The following NSG2 variants were observed in gnomAD, a reference collection of about 807,000 sequenced individuals.
The protein encoded by NSG2 is neuronal vesicle trafficking associated 2.
NSG2 carries 4 observed loss-of-function variants against 16.9 expected under a neutral mutation model. The observed-to-expected ratio is 0.24, with a 90% CI of 0.12 to 0.54. The LOEUF (loss-of-function observed/expected upper bound fraction) is 0.54. NSG2 is among the 20% of genes least tolerant of loss of function. The pLI, the probability that NSG2 is intolerant of heterozygous loss-of-function variation, is 0.95. For synonymous variants in NSG2, 98 were observed against 88.7 expected (o/e 1.11, Z -0.59); for missense variants, 179 against 221.1 (o/e 0.81, Z 1.21).
chr5:174,046,474 TATAGGTTTAGG>T (rs1426401551), intron 1 of NSG2, among the ~76,000 whole-genome samples: 1 of 152,182 alleles, frequency 6.6e-6, no homozygotes, highest in East Asian at 1.9e-4. Flanking sequence ...TTTTTGTGTG[TATAGGTTTAGG>T]ATTTTCCTTG....
intron 3 of NSG2, among the ~76,000 whole-genome samples, chr5:174,098,684 T>C (rs893381018): frequency 2.6e-5 from 4 of 152,082 alleles, no homozygotes; most frequent in Non-Finnish European, 5.9e-5. Flanking sequence ...TCATTGAATG[T>C]CTCACTCTCT....
chr5:174,077,487 G>GA (rs1267149792), intron 3 of NSG2, among the ~76,000 whole-genome samples: 1 of 152,074 alleles, frequency 6.6e-6, no homozygotes, highest in Non-Finnish European at 1.5e-5. Flanking sequence ...ATTACCTGTC[G>GA]AATTCTCGAC....
Position 174,045,710 on chromosome 5 carries a change from G to A in NSG2, c.-156G>A, listed in dbSNP as rs919606055. 6.6e-6 allele frequency: 1 copy of A among 152,356 alleles called. No individual in the cohort carries two copies. The highest frequency in any genetic ancestry group is 2.4e-5 in the African/African-American group (1 of 41,448). 9.4% of individuals were successfully genotyped at this position (152,356 alleles called of 1,614,324 possible). ...TGCTCGCTCACGCCTGCTCTCAGAA[G>A]CTCCGATCCAGACACACGCGAGGCG... On this transcript the variant is annotated 5_prime_UTR_variant, in exon 1 of 5. Coordinates refer to ENST00000303177, the MANE Select transcript of NSG2 (RefSeq NM_015980.5).
chr5:174,104,146 C>A, intron 3 of NSG2, 82 bp from the exon 4 acceptor site: 1 of 949,690 alleles, frequency 1.1e-6, no homozygotes, highest in South Asian at 1.4e-5. Flanking sequence ...TGCTGCCTGC[C>A]AGTTCTAGGC....
intron 3 of NSG2, among the ~76,000 whole-genome samples, chr5:174,076,250 C>A (rs369299665): frequency 6.6e-6 from 1 of 152,162 alleles, no homozygotes; most frequent in Non-Finnish European, 1.5e-5. Flanking sequence ...AGACGGGACA[C>A]ATTCCCCTTA....
At chr5:174,055,188 T>C (rs937653637) in intron 2 of NSG2, among the ~76,000 whole-genome samples, 6 of 152,174 alleles carry the variant, frequency 3.9e-5, no homozygotes, top group Non-Finnish European at 8.8e-5. Flanking sequence ...TCCACTGTAA[T>C]GATTCCAGCC....
intron 2 of NSG2, among the ~76,000 whole-genome samples, chr5:174,053,329 A>AGGG (rs1759920802): frequency 6.6e-6 from 1 of 152,064 alleles, no homozygotes; most frequent in South Asian, 2.1e-4. Flanking sequence ...TGTCTCTTGA[A>AGGG]GATGATAGGT....
intron 1 of NSG2, chr5:174,046,230 T>C (rs896626171): frequency 1.3e-5 from 2 of 152,706 alleles, no homozygotes; most frequent in Admixed American, 6.5e-5. Flanking sequence ...AATCCACATA[T>C]GATGTAACAG....
intron 3 of NSG2, among the ~76,000 whole-genome samples, chr5:174,076,770 G>C (rs1760350161): frequency 6.6e-6 from 1 of 152,282 alleles, no homozygotes; most frequent in South Asian, 2.1e-4. Context: ...TGTCACAGCT[G>C]GGGGTAGGGA....
At chr5:174,075,428 C>T (rs549841791) in intron 3 of NSG2, among the ~76,000 whole-genome samples, 1 of 152,326 alleles carries the variant, frequency 6.6e-6, no homozygotes, top group African/African-American at 2.4e-5. Context: ...CTAAATTAAG[C>T]TAAACTGAAA....
At chr5:174,075,195 T>C (rs1760316911) in intron 3 of NSG2, among the ~76,000 whole-genome samples, 1 of 152,168 alleles carries the variant, frequency 6.6e-6, no homozygotes, top group African/African-American at 2.4e-5. Flanking sequence ...ACTCATGAAA[T>C]AGGCATATTT....
intron 3 of NSG2, among the ~76,000 whole-genome samples, chr5:174,066,949 C>T (rs112807039): frequency 0.1 from 12,707 of 126,370 alleles, 956 homozygotes; most frequent in African/African-American, 0.18. Flanking sequence ...GAGATCCCGC[C>T]ACTGCACTCC....
At chr5:174,081,372 T>G (rs927821150) in intron 3 of NSG2, 2 of 152,306 alleles carry the variant, frequency 1.3e-5, no homozygotes, top group Admixed American at 1.3e-4. Flanking sequence ...CAAATACCCT[T>G]TCTGCATTTA....
chr5:174,098,265 A>T (rs893498782), intron 3 of NSG2, among the ~76,000 whole-genome samples: 1 of 152,174 alleles, frequency 6.6e-6, no homozygotes, highest in African/African-American at 2.4e-5. Flanking sequence ...GGGGAGAGGT[A>T]CATGAGACTG....
Position 174,101,351 on chromosome 5 carries a change from C to T in NSG2, c.214-2877C>T, listed in dbSNP as rs112786135. The stretch of plus-strand genomic sequence containing the variant: ...GACTTTAAAGTGAGCAGTGCAGTGG[C>T]ATTTAGTGCATCCATAATGTTGTGC... On this transcript the variant is annotated intron_variant, in intron 3 of 4. Transcript: ENST00000303177. Among the ~76,000 whole-genome samples, 1,327 of 152,300 alleles carry T rather than the reference C, an allele frequency of 8.7e-3. 19 individuals are homozygous for T. Among genetic ancestry groups the T allele is most frequent in the African/African-American group, 0.03 (1,264 of 41,558 alleles).
At chr5:174,066,939 G>A (rs936497444) in intron 3 of NSG2, among the ~76,000 whole-genome samples, 7 of 127,544 alleles carry the variant, frequency 5.5e-5, no homozygotes, top group Non-Finnish European at 1.1e-4. Flanking sequence ...GCAGTGAGCC[G>A]AGATCCCGCC....
chr5:174,079,263 CTT>C (rs113704369), intron 3 of NSG2, among the ~76,000 whole-genome samples: 10 of 143,366 alleles, frequency 7.0e-5, no homozygotes, highest in Non-Finnish European at 9.2e-5. Flanking sequence ...CTCTCTCTCT[CTT>C]TTTTTTTTTT....
chr5:174,062,361 G>GCTCAATGC (rs1323744986), intron 2 of NSG2, among the ~76,000 whole-genome samples: 3 of 152,134 alleles, frequency 2.0e-5, no homozygotes, highest in African/African-American at 7.2e-5. Flanking sequence ...CATGCCAAAT[G>GCTCAATGC]CTCAATGCCT....
In NSG2 at chr5:174,072,657, C is replaced by A. The variant is rs182940661; in HGVS notation, c.213+8342C>A. On this transcript the variant is annotated intron_variant, in intron 3 of 4. Transcript: ENST00000303177. The surrounding 1 kb of genome is among the most constrained non-coding windows in gnomAD (Gnocchi z 4.0). ...CTGTACCCTAAGAAGCTAGCCAGCA[C>A]CTGGCCGGATGAAGCAGTAAAAAAT... Among the ~76,000 whole-genome samples, 10 of 152,306 alleles carry A rather than the reference C, an allele frequency of 6.6e-5. No individual in the cohort carries two copies. In the East Asian group the frequency reaches 1.9e-3, roughly 29 times the overall value.
Sources: gnomAD v4.1 joint callset for allele counts (sites outside exome capture counted in the v4.1 genomes callset) on GRCh38, gnomAD v4.1.1 for gene constraint, Gnocchi (gnomAD v3.1) non-coding constraint, MANE v1.5 for transcripts, NCBI Gene and HGNC (gene_info 2026-07-23, HGNC 2026-07-21) for gene names.